The following GRIK5 variants were observed in gnomAD, a reference collection of about 807,000 sequenced individuals.
GRIK5 encodes the protein glutamate receptor ionotropic, kainate 5.
GRIK5 carries 43 observed loss-of-function variants against 97.4 expected under a neutral mutation model. The observed-to-expected ratio is 0.44, with a 90% confidence interval of 0.35 to 0.57. GRIK5 has a LOEUF of 0.57. Among genes scored for constraint, GRIK5 ranks in the 20% least tolerant of loss-of-function variants. The pLI is 0.01. For missense variants in GRIK5, 1,015 were observed against 1,382.0 expected, an observed-to-expected ratio of 0.73 and a Z score of 4.21; for synonymous variants, 580 against 583.5, an observed-to-expected ratio of 0.99 and a Z score of 0.09.
At chr19:42,035,933 C>T (rs1297877904) in intron 12 of GRIK5, among the ~76,000 whole-genome samples, 1 of 151,986 alleles carries the variant, frequency 6.6e-6, no homozygotes, top group African/African-American at 2.4e-5. Context: ...TGCAAAAATG[C>T]TTTTTAATGC....
rs558556213 is a variant in GRIK5, at chr19:42,022,588, G to A, written c.1474-234C>T. On this transcript the variant is annotated intron_variant, in intron 12 of 19. Coordinates refer to ENST00000593562, the MANE Select transcript of GRIK5 (RefSeq NM_002088.5). The surrounding 1 kb of genome is among the most constrained non-coding windows in gnomAD (Gnocchi z 4.2). ...TCACGTCTCCAGACACACTGACTCC[G>A]TCCCCTAGGCCTCAACTGTGTCCCA... 178 of 985,076 alleles carry A rather than the reference G, an allele frequency of 1.8e-4. No individual in the cohort carries two copies. The East Asian group carries it at 1.8e-3, about 10-fold the overall frequency. The allele number at this position is 985,076 out of a possible 1,614,324, so 61.0% of individuals were successfully genotyped here.
rs1423983605 is a variant in GRIK5, at chr19:42,002,349, G to A, written c.2514+983C>T. 2.0e-5 allele frequency: 14 copies of A among 717,534 alleles called. No homozygotes were observed. The highest frequency in any genetic ancestry group is 3.1e-5 in the Non-Finnish European group (12 of 385,108). The allele number at this position is 717,534 out of a possible 1,614,324, so 44.4% of individuals were successfully genotyped here. A position where few individuals can be genotyped will look rare whatever the true frequency, so the allele number is the denominator to read the frequency against. On this transcript the variant is annotated intron_variant, in intron 19 of 19. Coordinates refer to ENST00000593562, the MANE Select transcript of GRIK5 (RefSeq NM_002088.5). The surrounding 1 kb of genome is among the most constrained non-coding windows in gnomAD (Gnocchi z 5.2). ...TGGAGAAATGACAGCATATTTGTAC[G>A]TTGGTGGCCTGAATCCAATAAAGAG...
At chr19:42,034,809 A>ACC (rs2075881848) in intron 12 of GRIK5, among the ~76,000 whole-genome samples, 1 of 137,820 alleles carries the variant, frequency 7.3e-6, no homozygotes, top group Non-Finnish European at 1.5e-5. Context: ...CACGATATTA[A>ACC]TATATCATAC....
intron 12 of GRIK5, among the ~76,000 whole-genome samples, chr19:42,041,636 C>T (rs1599807257): frequency 6.6e-6 from 1 of 152,262 alleles, no homozygotes; most frequent in South Asian, 2.1e-4. Flanking sequence ...CCTCCCATGG[C>T]CCTGCCTTCC....
Position 42,006,526 on chromosome 19 carries a change from TC to T in GRIK5, c.2037+118del. ...CATGTGTGTTTTCTGCTCCCCAGCC[TC>T]CAGGCTGTCACTGACAATCAGTCCC... On this transcript the variant is annotated intron_variant, in intron 16 of 19. Transcript: ENST00000593562. The surrounding 1 kb of genome is among the most constrained non-coding windows in gnomAD (Gnocchi z 5.3). 1.2e-6 allele frequency: 1 copy of T among 864,240 alleles called. No individual in the cohort carries two copies. The highest frequency in any genetic ancestry group is 1.8e-6 in the Non-Finnish European group (1 of 547,774). The allele number at this position is 864,240 out of a possible 1,614,324, so 53.5% of individuals were successfully genotyped here.
In GRIK5 at chr19:42,002,683, T is replaced by A; in HGVS notation, c.2514+649A>T. 1.6e-6 allele frequency: 1 copy of A among 609,102 alleles called. No individual in the cohort carries two copies. The highest frequency in any genetic ancestry group is 2.0e-5 in the South Asian group (1 of 49,914). 37.7% of individuals were successfully genotyped at this position (609,102 alleles called of 1,614,324 possible). On this transcript the variant is annotated intron_variant, in intron 19 of 19. Coordinates refer to ENST00000593562, the MANE Select transcript of GRIK5 (RefSeq NM_002088.5). This position sits in a 1 kb window ranked among gnomAD's most constrained non-coding sequence, Gnocchi z 5.2. ...GAATGGGTCTGGAAATGCAGGGGTG[T>A]GGCTGGGCGGCCCCCAGGGACATGG...
intron 19 of GRIK5, among the ~76,000 whole-genome samples, chr19:42,000,983 C>A (rs1310880941): frequency 6.6e-6 from 1 of 152,138 alleles, no homozygotes; most frequent in African/African-American, 2.4e-5. Flanking sequence ...ACTAGCCAAG[C>A]CTTAGAGATA....
chr19:42,025,672 G>A (rs571886840), intron 12 of GRIK5, among the ~76,000 whole-genome samples: 7 of 152,118 alleles, frequency 4.6e-5, no homozygotes, highest in Admixed American at 1.3e-4. Flanking sequence ...CCTCCGGAAC[G>A]GAGTCACTGC....
chr19:42,048,436 C>A (rs1032951083), intron 11 of GRIK5, among the ~76,000 whole-genome samples: 6 of 151,912 alleles, frequency 3.9e-5, no homozygotes, highest in African/African-American at 1.4e-4. Flanking sequence ...CCTGGCTAAT[C>A]GGTGAAACCC....
rs768236480 is a variant in GRIK5, at chr19:42,065,410, G to C, written c.80-23C>G. The C allele has an allele frequency of 6.4e-7, 1 of 1,561,700 alleles. No homozygotes were observed. The highest frequency in any genetic ancestry group is 2.3e-5 in the East Asian group (1 of 44,238). The stretch of plus-strand genomic sequence containing the variant: ...CAGCTGAGGGGACACATGGGTTGGG[G>C]ACCAGACTCCTGAGTCCTGAGGAAG... On this transcript the variant is annotated intron_variant, in intron 2 of 19. Coordinates refer to ENST00000593562, the MANE Select transcript of GRIK5 (RefSeq NM_002088.5). This position sits in a 1 kb window ranked among gnomAD's most constrained non-coding sequence, Gnocchi z 5.8.
Position 42,065,765 on chromosome 19 carries a change from C to A in GRIK5, c.6G>T (p.Pro2=), listed in dbSNP as rs780774479. ...CAATCAGCAGCAGCAGCAGCTCAGC[C>A]GGCATCTTCCTCCCCTCCTCATGGG... M[P]AELLLLLIVA... Residue 2 remains proline (P), a synonymous_variant, in exon 2 of 20, where the codon CCG becomes CCT. Coordinates refer to ENST00000593562, the MANE Select transcript of GRIK5 (RefSeq NM_002088.5). The surrounding 1 kb of genome is among the most constrained non-coding windows in gnomAD (Gnocchi z 5.8). 3.8e-6 allele frequency: 6 copies of A among 1,581,790 alleles called. No homozygotes were observed. The East Asian group carries it at 1.4e-4, about 37-fold the overall frequency.
chr19:42,038,405 A>C (rs2075935025), intron 12 of GRIK5, among the ~76,000 whole-genome samples: 2 of 152,222 alleles, frequency 1.3e-5, no homozygotes, highest in Non-Finnish European at 2.9e-5. Flanking sequence ...GGCCACCCTG[A>C]TGGGGTGCCC....
intron 15 of GRIK5, among the ~76,000 whole-genome samples, chr19:42,020,307 A>T (rs1344808626): frequency 1.3e-5 from 2 of 152,170 alleles, no homozygotes; most frequent in Non-Finnish European, 2.9e-5. Context: ...TATCTTTGGG[A>T]CCTATTCTTT....
intron 5 of GRIK5, among the ~76,000 whole-genome samples, chr19:42,060,578 C>A (rs899060245): frequency 6.6e-6 from 1 of 150,842 alleles, no homozygotes; most frequent in Non-Finnish European, 1.5e-5. Context: ...TCAATAAATA[C>A]CTTTTTTTTT....
At position 42,042,669 on chromosome 19, in the gene GRIK5, C is replaced by A; in HGVS notation, c.1356G>T (p.Arg452=). 6.2e-7 allele frequency: 1 copy of A among 1,613,562 alleles called. No individual in the cohort carries two copies. The highest frequency in any genetic ancestry group is 8.5e-7 in the Non-Finnish European group (1 of 1,179,976). ...GGAAGCGCAGCAGCTCGGCCAGCTC[C>A]CGCAGCATGTCCACGCAGAAGCCCT... is the stretch of plus-strand genomic sequence containing the variant. ...RFEGFCVDML[R]ELAELLRFRY... is the part of the protein sequence containing the mutation. The change falls in exon 12 of 20, where the codon CGG becomes CGT. Residue 452 remains arginine, a synonymous_variant. Transcript: ENST00000593562. The surrounding 1 kb of genome is among the most constrained non-coding windows in gnomAD (Gnocchi z 6.9).
chr19:42,043,601 G>A (rs1013561738), intron 11 of GRIK5, among the ~76,000 whole-genome samples: 6 of 151,690 alleles, frequency 4.0e-5, no homozygotes, highest in African/African-American at 9.7e-5. Flanking sequence ...TAGTAGAGAC[G>A]GGGTTTCACC....
Position 42,022,476 on chromosome 19 carries a change from G to C in GRIK5, c.1474-122C>G, listed in dbSNP as rs1008737413. 15 of 1,479,262 alleles carry C rather than the reference G, an allele frequency of 1.0e-5. No homozygotes were observed. The African/African-American group carries it at 1.4e-4, about 14-fold the overall frequency. 91.6% of individuals were successfully genotyped at this position (1,479,262 alleles called of 1,614,324 possible). A position where few individuals can be genotyped will look rare whatever the true frequency, so the allele number is the denominator to read the frequency against. ...GAGGCGAGAGAGAGAGAGGTAGGGA[G>C]GGGGAGGGGCCAGGAGCATGGACTG... On this transcript the variant is annotated intron_variant, in intron 12 of 19. Coordinates refer to ENST00000593562, the MANE Select transcript of GRIK5 (RefSeq NM_002088.5). The surrounding 1 kb of genome is among the most constrained non-coding windows in gnomAD (Gnocchi z 4.2).
At chr19:42,018,384 G>A (rs953307886) in intron 15 of GRIK5, among the ~76,000 whole-genome samples, 4 of 151,040 alleles carry the variant, frequency 2.6e-5, no homozygotes, top group African/African-American at 4.9e-5. Flanking sequence ...GCCAGGTGCC[G>A]TGGCTCACAC....
chr19:42,038,518 G>C (rs538828317), intron 12 of GRIK5, among the ~76,000 whole-genome samples: 25 of 152,376 alleles, frequency 1.6e-4, no homozygotes, highest in African/African-American at 6.0e-4. Flanking sequence ...TCTCTCACTG[G>C]GTGGCCATGA....
Sources: gnomAD v4.1 joint callset for allele counts (sites outside exome capture counted in the v4.1 genomes callset) on GRCh38, gnomAD v4.1.1 for gene constraint, Gnocchi (gnomAD v3.1) non-coding constraint, MANE v1.5 for transcripts, NCBI Gene and HGNC (gene_info 2026-07-23, HGNC 2026-07-21) for gene names.